The following MTHFD1 variants were observed in gnomAD, a reference collection of about 807,000 sequenced individuals.
MTHFD1 encodes the protein methylenetetrahydrofolate dehydrogenase, cyclohydrolase and formyltetrahydrofolate synthetase 1.
MTHFD1 carries 44 observed loss-of-function variants against 110.3 expected under a neutral mutation model. The ratio of observed to expected loss-of-function variants is 0.40; its 90% CI spans 0.31 to 0.51. The LOEUF is 0.51. MTHFD1 is among the 20% of genes least tolerant of loss of function. MTHFD1 has a pLI of 0.60. For missense variants in MTHFD1, 909 were observed against 1,173.1 expected, an observed-to-expected ratio of 0.77 and a Z score of 3.29; for synonymous variants, 402 against 428.8, an observed-to-expected ratio of 0.94 and a Z score of 0.77.
At chr14:64,440,022 A>T in intron 17 of MTHFD1, 104 bp from the exon 18 acceptor site, 1 of 990,474 alleles carries the variant, frequency 1.0e-6, no homozygotes, top group Non-Finnish European at 1.5e-6. Flanking sequence ...CTATCCTTTT[A>T]AGCTATTTGT....
At chr14:64,434,949 C>CTTTTTTTTTTTTTTTTTTTT (rs374039248) in intron 15 of MTHFD1, among the ~76,000 whole-genome samples, 1 of 80,824 alleles carries the variant, frequency 1.2e-5, no homozygotes, top group Non-Finnish European at 2.4e-5. Context: ...TCCCTCTTTT[C>CTTTTTTTTTTTTTTTTTTTT]TTTTTTTTTT....
At chr14:64,435,775 T>C (rs3818240) in intron 16 of MTHFD1, 104 bp downstream of exon 16, 173,618 of 763,008 alleles carry the variant, frequency 0.23, 22,296 homozygotes, top group East Asian at 0.41. Context: ...TCCATGTTGG[T>C]ATTTTACCAG....
chr14:64,424,792 C>G lies in MTHFD1; in HGVS notation c.728-12C>G, dbSNP rs1195353965. ...CTGAGACTTAGTTTTGATTTCTCCC[C>G]CACTTGACCAGATGATAAAAAACCA... On this transcript the variant is annotated splice_polypyrimidine_tract_variant and intron_variant, in intron 8 of 27. Transcript: ENST00000652337. The G allele has an allele frequency of 6.2e-7, 1 of 1,613,660 alleles. No homozygotes were observed. Among genetic ancestry groups the G allele is most frequent in the East Asian group, 2.2e-5 (1 of 44,880 alleles).
intron 2 of MTHFD1, among the ~76,000 whole-genome samples, chr14:64,404,181 C>T (rs1460657455): frequency 6.6e-6 from 1 of 152,220 alleles, no homozygotes; most frequent in Non-Finnish European, 1.5e-5. Flanking sequence ...TAGGCAGTTT[C>T]ATCTATCAGG....
In MTHFD1 at chr14:64,417,748, A is replaced by G; in HGVS notation, c.479-140A>G. The G allele has an allele frequency of 9.1e-7, 1 of 1,096,932 alleles. No individual in the cohort carries two copies. Among genetic ancestry groups the G allele is most frequent in the Non-Finnish European group, 1.4e-6 (1 of 732,434 alleles). 67.9% of individuals were successfully genotyped at this position (1,096,932 alleles called of 1,614,324 possible). A position where few individuals can be genotyped will look rare whatever the true frequency, so the allele number is the denominator to read the frequency against. On this transcript the variant is annotated intron_variant, in intron 6 of 27. Coordinates refer to ENST00000652337, the MANE Select transcript of MTHFD1 (RefSeq NM_005956.4). The surrounding 1 kb of genome is among the most constrained non-coding windows in gnomAD (Gnocchi z 4.4). ...CCCTAGAGTTGAGAATATTATTGCC[A>G]AAGAAGGAATGCTTTTAGGAAGGTT...
At chr14:64,449,730 C>CAA in intron 24 of MTHFD1, 108 bp downstream of exon 24, 1 of 1,312,178 alleles carries the variant, frequency 7.6e-7, no homozygotes, top group African/African-American at 1.5e-5. Flanking sequence ...TTCAGCCTTG[C>CAA]GGTTTGATTC....
intron 2 of MTHFD1, among the ~76,000 whole-genome samples, chr14:64,406,282 G>A (rs1295755576): frequency 1.3e-5 from 2 of 151,460 alleles, no homozygotes; most frequent in Non-Finnish European, 2.9e-5. Flanking sequence ...CAGGTGATCC[G>A]CCTGCCTCGG....
chr14:64,459,759 A>G lies in MTHFD1; in HGVS notation c.*5A>G, dbSNP rs1232009686. Reference sequence around the variant, plus strand: ...ATTTATTTCTTGTTTTTCCTTCCAGATCACCATCCATCTTCAAGAAGCTAC... The same window carrying G: ...ATTTATTTCTTGTTTTTCCTTCCAGGTCACCATCCATCTTCAAGAAGCTAC... On this transcript the variant is annotated splice_region_variant and 3_prime_UTR_variant, in exon 28 of 28. Coordinates refer to ENST00000652337, the MANE Select transcript of MTHFD1 (RefSeq NM_005956.4). 1 of 1,532,422 alleles carries G rather than the reference A, an allele frequency of 6.5e-7. No individual in the cohort carries two copies. Among genetic ancestry groups the G allele is most frequent in the Non-Finnish European group, 8.7e-7 (1 of 1,145,404 alleles). The allele number at this position is 1,532,422 out of a possible 1,614,324, so 94.9% of individuals were successfully genotyped here.
intron 8 of MTHFD1, among the ~76,000 whole-genome samples, chr14:64,422,530 G>T (rs1275049605): frequency 6.6e-6 from 1 of 152,120 alleles, no homozygotes; most frequent in Non-Finnish European, 1.5e-5. Flanking sequence ...TTCCTGCTTG[G>T]CTTACTAAAG....
intron 4 of MTHFD1, among the ~76,000 whole-genome samples, chr14:64,414,327 C>T (rs1035171503): frequency 1.7e-5 from 2 of 118,378 alleles, no homozygotes; most frequent in Non-Finnish European, 3.3e-5. Flanking sequence ...GAGTCTTGCT[C>T]TGTTGCCCAG....
intron 17 of MTHFD1, 86 bp downstream of exon 17, chr14:64,439,258 C>A (rs45618332): frequency 2.1e-6 from 2 of 967,692 alleles, no homozygotes; most frequent in Non-Finnish European, 3.3e-6. Context: ...TCTCATACGA[C>A]TGATACTGCC....
At chr14:64,406,281 C>T (rs1339815050) in intron 2 of MTHFD1, among the ~76,000 whole-genome samples, 3 of 151,552 alleles carry the variant, frequency 2.0e-5, no homozygotes, top group Non-Finnish European at 2.9e-5. Flanking sequence ...TCAGGTGATC[C>T]GCCTGCCTCG....
intron 8 of MTHFD1, chr14:64,424,314 A>C (rs1222449302): frequency 9.9e-6 from 2 of 202,650 alleles, no homozygotes; most frequent in Admixed American, 5.3e-5. Context: ...TTTAGCATAC[A>C]TTTAAGTAGC....
chr14:64,413,414 T>C (rs1295193722), intron 4 of MTHFD1, among the ~76,000 whole-genome samples: 1 of 152,148 alleles, frequency 6.6e-6, no homozygotes, highest in African/African-American at 2.4e-5. Flanking sequence ...ACCAAATATG[T>C]ATTCCTTTTA....
intron 7 of MTHFD1, among the ~76,000 whole-genome samples, chr14:64,418,451 A>AAAT (rs1171195616): frequency 1.8e-4 from 1 of 5,518 alleles, no homozygotes; most frequent in African/African-American, 8.7e-4. Context: ...ACCCTGTCTC[A>AAAT]AAAAAAAAAA....
At chr14:64,398,905 G>C (rs2077876827) in intron 1 of MTHFD1, among the ~76,000 whole-genome samples, 1 of 152,214 alleles carries the variant, frequency 6.6e-6, no homozygotes, top group African/African-American at 2.4e-5. Context: ...TGACATCCTA[G>C]TGTATTGTTG....
chr14:64,401,132 A>C (rs915486102), intron 2 of MTHFD1, among the ~76,000 whole-genome samples: 3 of 151,324 alleles, frequency 2.0e-5, no homozygotes, highest in Non-Finnish European at 4.4e-5. Context: ...GCCCCTTTAC[A>C]ATCTTTTTTT....
chr14:64,405,183 T>C (rs951739774), intron 2 of MTHFD1, among the ~76,000 whole-genome samples: 3 of 152,188 alleles, frequency 2.0e-5, no homozygotes, highest in Non-Finnish European at 2.9e-5. Flanking sequence ...TGGTTATTTC[T>C]TGGCTTATTT....
intron 1 of MTHFD1, among the ~76,000 whole-genome samples, chr14:64,399,994 T>C (rs2077884192): frequency 6.6e-6 from 1 of 152,178 alleles, no homozygotes; most frequent in Non-Finnish European, 1.5e-5. Context: ...AGGATAGTCT[T>C]AAACTCCTGT....
Sources: gnomAD v4.1 joint callset for allele counts (sites outside exome capture counted in the v4.1 genomes callset) on GRCh38, gnomAD v4.1.1 for gene constraint, Gnocchi (gnomAD v3.1) non-coding constraint, MANE v1.5 for transcripts, NCBI Gene and HGNC (gene_info 2026-07-23, HGNC 2026-07-21) for gene names.